ZNF532: variants seen among roughly 807,000 people sequenced by gnomAD.
The protein encoded by ZNF532 is zinc finger protein 532.
A neutral mutation model predicts 89.3 loss-of-function variants in ZNF532; 22 were observed. That is an observed-to-expected ratio of 0.25 (90% CI 0.18 to 0.35). The LOEUF (loss-of-function observed/expected upper bound fraction) is 0.35, where lower values mean the gene tolerates loss of function less well. Ranked by LOEUF, ZNF532 falls within the 10% of genes least tolerant of loss-of-function variation. ZNF532 has a pLI of 1.00. For missense variants in ZNF532, 1,132 were observed against 1,643.4 expected (o/e 0.69, Z 5.38); for synonymous variants, 606 against 649.6 (o/e 0.93, Z 1.02).
chr18:58,907,229 A>G (rs1311689572), intron 2 of ZNF532, among the ~76,000 whole-genome samples: 1 of 152,158 alleles, frequency 6.6e-6, no homozygotes, highest in African/African-American at 2.4e-5. Context: ...TCTGTTGCCC[A>G]GGCTAGGGTG....
At chr18:58,879,588 A>G (rs548725215) in intron 2 of ZNF532, among the ~76,000 whole-genome samples, 1 of 152,198 alleles carries the variant, frequency 6.6e-6, no homozygotes, top group East Asian at 1.9e-4. Context: ...ACAGGGTTTC[A>G]TCATGTTGGC....
At chr18:58,929,342 G>A (rs953985100) in intron 3 of ZNF532, among the ~76,000 whole-genome samples, 2 of 152,160 alleles carry the variant, frequency 1.3e-5, no homozygotes, top group African/African-American at 4.8e-5. Context: ...TCTGGGCATC[G>A]TTAATACAAC....
rs2060793162 is a variant in ZNF532 at position 58,918,743 on chromosome 18, G to A, written c.456G>A (p.Lys152=). ...EKIEVDDPPD[K]EDMRSSFRSN... is the part of the protein sequence containing the mutation. ...TTGAGGTGGATGACCCCCCTGACAA[G>A]GAGGACATGCGATCAAGCTTCAGGT... The change falls in exon 3 of 10, where the codon AAG becomes AAA. Residue 152 remains lysine, a synonymous_variant. Transcript: ENST00000591808. 2 of 1,614,176 alleles carry A rather than the reference G, an allele frequency of 1.2e-6. No individual in the cohort carries two copies. The highest frequency in any genetic ancestry group is 1.1e-5 in the South Asian group (1 of 91,074).
At chr18:58,932,391 A>T (rs146575420) in intron 3 of ZNF532, 86 of 152,316 alleles carry the variant, frequency 5.6e-4, no homozygotes, top group African/African-American at 2.0e-3. Flanking sequence ...TTTCAGGAAC[A>T]CTGTCTGCTT....
At chr18:58,931,212 C>T (rs1437169573) in intron 3 of ZNF532, among the ~76,000 whole-genome samples, 1 of 152,134 alleles carries the variant, frequency 6.6e-6, no homozygotes. Context: ...ATTGAAAAGG[C>T]AGTTACTGTC....
At chr18:58,977,721 G>C (rs895826544) in intron 7 of ZNF532, 1 of 152,134 alleles carries the variant, frequency 6.6e-6, no homozygotes, top group African/African-American at 2.4e-5. Flanking sequence ...GTGGTGGTGG[G>C]TGCTTTTAGC....
At chr18:58,943,260 C>T (rs556657750) in intron 5 of ZNF532, among the ~76,000 whole-genome samples, 3 of 146,426 alleles carry the variant, frequency 2.0e-5, no homozygotes, top group East Asian at 4.1e-4. Flanking sequence ...CCCGGGTTCT[C>T]GCCATTCTTC....
intron 2 of ZNF532, among the ~76,000 whole-genome samples, chr18:58,881,069 T>G (rs2057882013): frequency 1.3e-5 from 2 of 152,182 alleles, no homozygotes; most frequent in South Asian, 4.1e-4. Flanking sequence ...ATAGGAAGAA[T>G]CTGTTCTGCA....
At chr18:58,905,921 G>A (rs73439926) in intron 2 of ZNF532, among the ~76,000 whole-genome samples, 2,786 of 152,244 alleles carry the variant, frequency 0.018, 98 homozygotes, top group African/African-American at 0.063. Flanking sequence ...ACTGGTCAGG[G>A]ATGTTGTAGG....
chr18:58,965,506 A>G (rs777623295), intron 7 of ZNF532, among the ~76,000 whole-genome samples: 6 of 152,274 alleles, frequency 3.9e-5, no homozygotes, highest in Admixed American at 6.5e-5. Context: ...GAATCTTTCA[A>G]TATAGATGTG....
intron 2 of ZNF532, among the ~76,000 whole-genome samples, chr18:58,880,162 C>T (rs531506131): frequency 9.2e-5 from 14 of 152,170 alleles, no homozygotes; most frequent in East Asian, 1.9e-4. Context: ...GTGCAGAGGC[C>T]GCTGAGCATA....
chr18:58,907,426 CCCCCT>C (rs1289952353), intron 2 of ZNF532, among the ~76,000 whole-genome samples: 1 of 151,940 alleles, frequency 6.6e-6, no homozygotes, highest in Non-Finnish European at 1.5e-5. Flanking sequence ...CCTCGTGATC[CCCCCT>C]GCCCACCTTG....
chr18:58,885,397 G>T (rs906072265), intron 2 of ZNF532, among the ~76,000 whole-genome samples: 1 of 152,118 alleles, frequency 6.6e-6, no homozygotes, highest in African/African-American at 2.4e-5. Flanking sequence ...GATGATTGTA[G>T]GAAATTTATT....
intron 2 of ZNF532, among the ~76,000 whole-genome samples, chr18:58,865,927 G>C (rs930302739): frequency 6.6e-6 from 1 of 152,198 alleles, no homozygotes; most frequent in Non-Finnish European, 1.5e-5. Flanking sequence ...ATGATTATAA[G>C]AAAAGGAAGG....
At chr18:58,962,238 A>C (rs1027368712) in intron 7 of ZNF532, among the ~76,000 whole-genome samples, 10 of 151,956 alleles carry the variant, frequency 6.6e-5, no homozygotes, top group Non-Finnish European at 1.2e-4. Flanking sequence ...AAAAAAAAAA[A>C]TGGATTCTAG....
At chr18:58,968,655 G>A (rs993748735) in intron 7 of ZNF532, among the ~76,000 whole-genome samples, 4 of 152,196 alleles carry the variant, frequency 2.6e-5, no homozygotes, top group African/African-American at 9.7e-5. Context: ...CCTTGGGGTG[G>A]TGGGAGTGGG....
At chr18:58,959,281 GTTTT>G (rs778004492) in intron 7 of ZNF532, among the ~76,000 whole-genome samples, 2 of 120,832 alleles carry the variant, frequency 1.7e-5, no homozygotes, top group Non-Finnish European at 3.4e-5. Context: ...TTTTTTTTTG[GTTTT>G]TTTTTTTGAC....
At chr18:58,981,644 CA>C in intron 9 of ZNF532, 27 bp downstream of exon 9, 1 of 1,612,894 alleles carries the variant, frequency 6.2e-7, no homozygotes, top group Non-Finnish European at 8.5e-7. Flanking sequence ...GTTTGCTTTA[CA>C]GTGAAATTGT....
intron 3 of ZNF532, among the ~76,000 whole-genome samples, chr18:58,931,077 G>A (rs2061921385): frequency 6.6e-6 from 1 of 152,126 alleles, no homozygotes; most frequent in African/African-American, 2.4e-5. Flanking sequence ...AAATAAGGCT[G>A]CCCTAGAATA....
Sources: gnomAD v4.1 joint callset for allele counts (sites outside exome capture counted in the v4.1 genomes callset) on GRCh38, gnomAD v4.1.1 for gene constraint, MANE v1.5 for transcripts, NCBI Gene and HGNC (gene_info 2026-07-23, HGNC 2026-07-21) for gene names.